The following PAFAH2 variants were observed in gnomAD, a reference collection of about 807,000 sequenced individuals.
PAFAH2 encodes the protein platelet activating factor acetylhydrolase 2.
In PAFAH2, 42 loss-of-function variants were observed where a neutral mutation model predicts 49.0. The observed-to-expected ratio is 0.86, with a 90% CI of 0.67 to 1.11. The LOEUF (loss-of-function observed/expected upper bound fraction) is 1.11. PAFAH2 is among the 50% of genes least tolerant of loss of function. The probability of loss-of-function intolerance (pLI) is 0.00; values close to 1 mark genes in which losing one functional copy is unlikely to be tolerated. For missense variants in PAFAH2, 503 were observed against 501.8 expected (o/e 1.00, Z -0.02); for synonymous variants, 184 against 181.3 (o/e 1.01, Z -0.12).
intron 4 of PAFAH2, among the ~76,000 whole-genome samples, chr1:25,986,413 C>T (rs567596302): frequency 6.6e-6 from 1 of 152,112 alleles, no homozygotes; most frequent in Non-Finnish European, 1.5e-5. Context: ...TGAAAGAAGG[C>T]CATTTTGTCT....
At chr1:25,969,356 C>T (rs539876678) in intron 10 of PAFAH2, among the ~76,000 whole-genome samples, 43 of 152,276 alleles carry the variant, frequency 2.8e-4, no homozygotes, top group African/African-American at 9.6e-4. Flanking sequence ...GACTGTCCTC[C>T]GTGTGGACAG....
intron 1 of PAFAH2, among the ~76,000 whole-genome samples, chr1:25,995,779 G>A (rs942526980): frequency 1.5e-4 from 23 of 152,078 alleles, no homozygotes; most frequent in African/African-American, 5.6e-4. Flanking sequence ...ATCTACTCCG[G>A]GGGTAAAGAT....
At chr1:25,989,302 C>A in intron 3 of PAFAH2, 146 bp downstream of exon 3, 1 of 648,466 alleles carries the variant, frequency 1.5e-6, no homozygotes, top group Non-Finnish European at 2.4e-6. Context: ...TAATTCTCTC[C>A]CAACTCTCCA....
In PAFAH2 at chr1:25,982,372, T is replaced by A; in HGVS notation, c.658A>T (p.Thr220Ser). 1 of 1,613,020 alleles carries A rather than the reference T, an allele frequency of 6.2e-7. No homozygotes were observed. The highest frequency in any genetic ancestry group is 1.1e-5 in the South Asian group (1 of 91,060). ...ACCAATTGCTTCCATACCTTCAAAG[T>A]CATCAGATCCAAGCCACCAGGCAAG... Reference protein sequence around the residue: ...NILPGGLDLMTLKGNIDMSRV... With the variant: ...NILPGGLDLMSLKGNIDMSRV... Residue 220 changes from threonine to serine, a missense_variant, in exon 7 of 11, where the codon ACT becomes TCT. Coordinates refer to ENST00000374282, the MANE Select transcript of PAFAH2 (RefSeq NM_000437.4).
chr1:25,984,845 C>CTTTTT (rs34522205), intron 4 of PAFAH2, among the ~76,000 whole-genome samples: 21 of 104,282 alleles, frequency 2.0e-4, no homozygotes, highest in Non-Finnish European at 2.9e-4. Flanking sequence ...AGAGAGATTT[C>CTTTTT]TTTTTTTTTT....
At chr1:25,968,336 G>C (rs2049459163) in intron 10 of PAFAH2, among the ~76,000 whole-genome samples, 1 of 152,064 alleles carries the variant, frequency 6.6e-6, no homozygotes, top group African/African-American at 2.4e-5. Flanking sequence ...CAGGAAGGTG[G>C]GGAGAGGTGG....
Position 25,990,827 on chromosome 1 carries a change from G to A in PAFAH2, c.-11C>T. The A allele has an allele frequency of 1.2e-6, 2 of 1,611,768 alleles. No individual in the cohort carries two copies. Among genetic ancestry groups the A allele is most frequent in the Non-Finnish European group, 1.7e-6 (2 of 1,177,998 alleles). On this transcript the variant is annotated 5_prime_UTR_variant, in exon 2 of 11. Transcript: ENST00000374282. ...CTGGTTGACCCCCATTTCATCACCG[G>A]GTGAATCAAATGACTTGCCGGAGCT...
intron 9 of PAFAH2, 85 bp downstream of exon 9, chr1:25,974,395 G>T: frequency 1.7e-6 from 2 of 1,192,712 alleles, no homozygotes; most frequent in Non-Finnish European, 2.3e-6. Flanking sequence ...TGGGTAGAAA[G>T]TTTTGGGTAA....
chr1:25,970,985 A>G (rs1016234394), intron 10 of PAFAH2, among the ~76,000 whole-genome samples: 1 of 152,182 alleles, frequency 6.6e-6, no homozygotes, highest in Non-Finnish European at 1.5e-5. Flanking sequence ...GGACAGGTGG[A>G]GGTACCACGA....
intron 7 of PAFAH2, among the ~76,000 whole-genome samples, chr1:25,981,544 G>T (rs1236015836): frequency 6.6e-6 from 1 of 152,072 alleles, no homozygotes; most frequent in African/African-American, 2.4e-5. Flanking sequence ...TCTTCTCCCC[G>T]CCATCCATCT....
At chr1:25,962,151 G>A (rs1458802583) in intron 10 of PAFAH2, 68 bp from the exon 11 acceptor site, 2 of 1,282,572 alleles carry the variant, frequency 1.6e-6, no homozygotes, top group African/African-American at 2.9e-5. Context: ...TAGCTGACAT[G>A]CATTGAAGGG....
Position 25,996,134 on chromosome 1 carries a change from T to C in PAFAH2, c.-48+1891A>G, listed in dbSNP as rs181406613. ...ACTTTGGGAGATCAAATGGGAAGGA[T>C]TGCTTCAGCCCAGGAGTTCAAGACC... On this transcript the variant is annotated intron_variant, in intron 1 of 10. Transcript: ENST00000374282. Among the ~76,000 whole-genome samples the C allele has an allele frequency of 2.1e-3, 322 of 152,032 alleles. 1 individual carries two copies. Among genetic ancestry groups the C allele is most frequent in the Non-Finnish European group, 8.2e-4 (56 of 67,984 alleles).
intron 6 of PAFAH2, 50 bp from the exon 7 acceptor site, chr1:25,982,527 G>A (rs1033506507): frequency 7.3e-7 from 1 of 1,372,898 alleles, no homozygotes; most frequent in African/African-American, 1.4e-5. Context: ...CAACTGTCCA[G>A]CGAGAATCTC....
intron 6 of PAFAH2, among the ~76,000 whole-genome samples, chr1:25,983,384 C>CAA (rs1402728616): frequency 6.6e-6 from 1 of 150,708 alleles, no homozygotes; most frequent in Non-Finnish European, 1.5e-5. Flanking sequence ...GACTCTGTCC[C>CAA]AAAAAAATAA....
At chr1:25,974,270 G>C (rs1224134863) in intron 9 of PAFAH2, among the ~76,000 whole-genome samples, 4 of 152,138 alleles carry the variant, frequency 2.6e-5, no homozygotes, top group African/African-American at 9.7e-5. Context: ...CATAAAGTCA[G>C]ATAAACTATG....
chr1:25,985,192 C>A (rs1422635799), intron 4 of PAFAH2, among the ~76,000 whole-genome samples: 1 of 152,178 alleles, frequency 6.6e-6, no homozygotes, highest in Non-Finnish European at 1.5e-5. Context: ...CCAGTTCAAA[C>A]TGTGTCACCT....
chr1:25,983,219 C>T (rs1362965279), intron 6 of PAFAH2, among the ~76,000 whole-genome samples: 6 of 151,706 alleles, frequency 4.0e-5, no homozygotes, highest in East Asian at 1.9e-4. Context: ...AGCAAGACCC[C>T]GTCTCTACTA....
chr1:25,976,166 C>G (rs2049586016), intron 8 of PAFAH2, among the ~76,000 whole-genome samples: 1 of 152,060 alleles, frequency 6.6e-6, no homozygotes. Flanking sequence ...TTTTTTGAGA[C>G]AGGATCTTGC....
At chr1:25,964,091 T>C (rs2049383781) in intron 10 of PAFAH2, 1 of 152,136 alleles carries the variant, frequency 6.6e-6, no homozygotes, top group Non-Finnish European at 1.5e-5. Flanking sequence ...CTTTGGCTCT[T>C]AGGGAGACTG....
Sources: allele counts gnomAD v4.1 joint callset (sites outside exome capture counted in the v4.1 genomes callset), GRCh38; gene constraint gnomAD v4.1.1; transcripts MANE v1.5; gene names NCBI Gene and HGNC (gene_info 2026-07-23, HGNC 2026-07-21).